The following RCL1 variants were observed in gnomAD, a reference collection of about 807,000 sequenced individuals.
RCL1 encodes the protein RNA terminal phosphate cyclase like 1, also known as RNA 3'-terminal phosphate cyclase-like protein.
Under a neutral mutation model 42.4 loss-of-function variants are expected in RCL1, and 24 were observed. That is an observed-to-expected ratio of 0.57 (90% CI 0.41 to 0.80). The LOEUF is 0.80. Among genes scored for constraint, RCL1 ranks in the 30% least tolerant of loss-of-function variants. The pLI is 0.00. For missense variants in RCL1, 578 were observed against 467.9 expected, an observed-to-expected ratio of 1.24 and a Z score of -2.17; for synonymous variants, 228 against 177.3, an observed-to-expected ratio of 1.29 and a Z score of -2.27.
intron 8 of RCL1, among the ~76,000 whole-genome samples, chr9:4,855,930 C>G (rs1019361443): frequency 4.6e-5 from 7 of 152,184 alleles, no homozygotes; most frequent in Non-Finnish European, 1.0e-4. Context: ...CAGAAGCAAG[C>G]TGAGGGCCCG....
chr9:4,843,813 C>T (rs976794577), intron 6 of RCL1, among the ~76,000 whole-genome samples: 1 of 152,178 alleles, frequency 6.6e-6, no homozygotes, highest in Non-Finnish European at 1.5e-5. Flanking sequence ...CACCCTCTCA[C>T]TTCTGCTGGT....
chr9:4,851,768 T>C (rs1465814122), intron 8 of RCL1, among the ~76,000 whole-genome samples: 1 of 152,070 alleles, frequency 6.6e-6, no homozygotes, highest in African/African-American at 2.4e-5. Flanking sequence ...TCAAGCAGTT[T>C]GGACCTGTTT....
At chr9:4,828,190 G>A (rs1010860765) in intron 3 of RCL1, among the ~76,000 whole-genome samples, 27 of 140,746 alleles carry the variant, frequency 1.9e-4, no homozygotes, top group Non-Finnish European at 3.7e-4. Context: ...AAAAAAAAAA[G>A]TTGATGGCCA....
At chr9:4,848,504 T>A (rs1315069150) in intron 7 of RCL1, among the ~76,000 whole-genome samples, 1 of 152,232 alleles carries the variant, frequency 6.6e-6, no homozygotes, top group Non-Finnish European at 1.5e-5. Flanking sequence ...CCTATCCTGT[T>A]CAGTCTAGCC....
At chr9:4,799,051 C>G (rs1842957758) in intron 1 of RCL1, among the ~76,000 whole-genome samples, 1 of 103,872 alleles carries the variant, frequency 9.6e-6, no homozygotes, top group Non-Finnish European at 1.9e-5. Flanking sequence ...CCCCCTCTCT[C>G]CCTCCCCCAT....
intron 8 of RCL1, among the ~76,000 whole-genome samples, chr9:4,858,402 G>A (rs1818037426): frequency 6.6e-6 from 1 of 152,154 alleles, no homozygotes; most frequent in Admixed American, 6.5e-5. Flanking sequence ...TCCTTTTGGT[G>A]TTGTATTTAA....
At chr9:4,797,576 AG>A (rs1262714974) in intron 1 of RCL1, among the ~76,000 whole-genome samples, 1 of 152,214 alleles carries the variant, frequency 6.6e-6, no homozygotes, top group Non-Finnish European at 1.5e-5. Flanking sequence ...TTAGAATCCA[AG>A]GGTGCTGCTA....
intron 1 of RCL1, among the ~76,000 whole-genome samples, chr9:4,795,152 A>C (rs1842894277): frequency 6.6e-6 from 1 of 151,738 alleles, no homozygotes; most frequent in African/African-American, 2.4e-5. Context: ...ATCTCGGCTC[A>C]CTGCAACCTC....
At chr9:4,798,835 G>A (rs1413688908) in intron 1 of RCL1, among the ~76,000 whole-genome samples, 2 of 149,882 alleles carry the variant, frequency 1.3e-5, no homozygotes, top group South Asian at 2.1e-4. Context: ...GACAAAGTAT[G>A]CTTCCAAGTG....
chr9:4,858,945 G>A (rs539914604), intron 8 of RCL1, among the ~76,000 whole-genome samples: 1 of 152,328 alleles, frequency 6.6e-6, no homozygotes, highest in Admixed American at 6.5e-5. Context: ...TATGAACTGG[G>A]GAGTACAGGG....
intron 1 of RCL1, among the ~76,000 whole-genome samples, chr9:4,803,104 C>T (rs1843033618): frequency 2.0e-5 from 3 of 151,944 alleles, no homozygotes; most frequent in Admixed American, 2.0e-4. Context: ...GTCTTGGCCT[C>T]CCAAAGCGTC....
intron 5 of RCL1, among the ~76,000 whole-genome samples, chr9:4,838,496 A>T (rs771058897): frequency 9.2e-5 from 14 of 152,196 alleles, no homozygotes; most frequent in Non-Finnish European, 1.8e-4. Context: ...AAAGGGGGAT[A>T]AGTTGGAATT....
chr9:4,850,209 C>T (rs1014626020), intron 8 of RCL1: 2 of 484,668 alleles, frequency 4.1e-6, no homozygotes, highest in Non-Finnish European at 9.0e-6. Flanking sequence ...TGTGTTTTCA[C>T]GTGCTTGCAT....
intron 5 of RCL1, among the ~76,000 whole-genome samples, chr9:4,834,692 A>T (rs917691812): frequency 8.0e-5 from 12 of 150,062 alleles, no homozygotes; most frequent in African/African-American, 3.0e-4. Flanking sequence ...TGGAGTAGAC[A>T]GTGGTCAATT....
intron 1 of RCL1, among the ~76,000 whole-genome samples, chr9:4,817,021 GT>G (rs1367929344): frequency 6.6e-6 from 1 of 152,164 alleles, no homozygotes; most frequent in Non-Finnish European, 1.5e-5. Flanking sequence ...GTTTCACCGT[GT>G]TAGCCAGGAT....
chr9:4,841,052 C>A (rs1817300500), intron 5 of RCL1, 180 bp from the exon 6 acceptor site: 3 of 643,168 alleles, frequency 4.7e-6, no homozygotes, highest in Non-Finnish European at 7.8e-6. Flanking sequence ...TTTGCCATGA[C>A]CTTTTATAAT....
intron 1 of RCL1, among the ~76,000 whole-genome samples, chr9:4,793,987 G>A (rs1275347093): frequency 6.6e-6 from 1 of 152,198 alleles, no homozygotes; most frequent in East Asian, 1.9e-4. Flanking sequence ...CTCATTAAAT[G>A]GCGCCGGTTT....
At chr9:4,854,363 A>G (rs1817860302) in intron 8 of RCL1, among the ~76,000 whole-genome samples, 1 of 152,188 alleles carries the variant, frequency 6.6e-6, no homozygotes, top group Non-Finnish European at 1.5e-5. Context: ...CTGCCATGTA[A>G]TGACTATAGG....
chr9:4,821,076 TC>T (rs1816581825), intron 1 of RCL1, among the ~76,000 whole-genome samples: 1 of 152,158 alleles, frequency 6.6e-6, no homozygotes. Flanking sequence ...AGAGGTTAGC[TC>T]CAAGGAATTA....
Sources: allele counts gnomAD v4.1 joint callset (sites outside exome capture counted in the v4.1 genomes callset), GRCh38; gene constraint gnomAD v4.1.1; transcripts MANE v1.5; gene names NCBI Gene and HGNC (gene_info 2026-07-23, HGNC 2026-07-21).